ABR: variants seen among roughly 807,000 people sequenced by gnomAD.
The protein encoded by ABR is ABR activator of RhoGEF and GTPase, also known as active breakpoint cluster region-related protein.
Under a neutral mutation model 107.2 loss-of-function variants are expected in ABR, and 35 were observed. The observed-to-expected ratio is 0.33, with a 90% CI of 0.25 to 0.43. ABR has a LOEUF of 0.43. ABR is among the 20% of genes least tolerant of loss of function. ABR has a pLI of 1.00. For missense variants in ABR, 815 were observed against 1,115.2 expected (o/e 0.73, Z 3.83); for synonymous variants, 498 against 462.0 (o/e 1.08, Z -1.00).
intron 2 of ABR, among the ~76,000 whole-genome samples, chr17:1,118,590 T>C (rs1276185153): frequency 1.5e-3 from 1 of 648 alleles, no homozygotes; most frequent in Admixed American, 0.015. Context: ...TCCCTGAGCC[T>C]GAGTTCTTCC....
intron 1 of ABR, among the ~76,000 whole-genome samples, chr17:1,151,847 G>A (rs541817816): frequency 3.2e-4 from 49 of 152,332 alleles, no homozygotes; most frequent in African/African-American, 1.1e-3. Flanking sequence ...AGGAAACTCC[G>A]TCTCTACTAA....
chr17:1,103,555 G>A (rs1485833528), intron 2 of ABR, among the ~76,000 whole-genome samples: 1 of 152,178 alleles, frequency 6.6e-6, no homozygotes, highest in Non-Finnish European at 1.5e-5. Context: ...CCACAAACAA[G>A]CTTCATCCCC....
chr17:1,129,775 C>T (rs1370966215), intron 1 of ABR, among the ~76,000 whole-genome samples: 5 of 151,982 alleles, frequency 3.3e-5, no homozygotes, highest in African/African-American at 7.3e-5. Context: ...GGTGAAACCC[C>T]CTCTCTACTA....
At chr17:1,074,351 A>G (rs1300852730) in intron 6 of ABR, among the ~76,000 whole-genome samples, 1 of 149,226 alleles carries the variant, frequency 6.7e-6, no homozygotes, top group Non-Finnish European at 1.5e-5. Context: ...GGACCCCAGA[A>G]TCACACAGCT....
chr17:1,144,248 C>A (rs191438978), intron 1 of ABR, among the ~76,000 whole-genome samples: 10 of 152,260 alleles, frequency 6.6e-5, no homozygotes, highest in African/African-American at 1.9e-4. Context: ...CATGATACGA[C>A]GAAAGCTGAC....
intron 1 of ABR, among the ~76,000 whole-genome samples, chr17:1,151,720 C>T (rs2151532320): frequency 6.6e-6 from 1 of 152,338 alleles, no homozygotes; most frequent in East Asian, 1.9e-4. Context: ...GGGCAGGTCA[C>T]TTCAACTCTC....
chr17:1,181,597 C>T (rs890359741), upstream of ABR, among the ~76,000 whole-genome samples: 6 of 152,096 alleles, frequency 3.9e-5, no homozygotes, highest in Admixed American at 1.3e-4. Flanking sequence ...AGGGAGGGGG[C>T]GTGCATCTCC....
At chr17:1,049,540 C>T (rs2032201375) in intron 16 of ABR, among the ~76,000 whole-genome samples, 1 of 152,156 alleles carries the variant, frequency 6.6e-6, no homozygotes, top group African/African-American at 2.4e-5. Context: ...AGACTCCCAA[C>T]GCAGCTGAGT....
intron 16 of ABR, among the ~76,000 whole-genome samples, chr17:1,020,738 C>A (rs572751701): frequency 6.6e-6 from 1 of 152,288 alleles, no homozygotes; most frequent in East Asian, 1.9e-4. Flanking sequence ...GGGTGCTCCA[C>A]GCACACCTGA....
intron 1 of ABR, among the ~76,000 whole-genome samples, chr17:1,204,423 C>T (rs1346677492): frequency 6.6e-6 from 1 of 152,120 alleles, no homozygotes; most frequent in Admixed American, 6.5e-5. Context: ...CCAGCATGGG[C>T]GACACAGCGA....
intron 1 of ABR, among the ~76,000 whole-genome samples, chr17:1,217,059 G>T (rs1325325235): frequency 6.6e-6 from 1 of 152,194 alleles, no homozygotes; most frequent in Non-Finnish European, 1.5e-5. Context: ...TTAGAGATGG[G>T]ACATGCGGCG....
chr17:1,073,013 C>A (rs1158023880), intron 7 of ABR, among the ~76,000 whole-genome samples: 4 of 151,932 alleles, frequency 2.6e-5, no homozygotes, highest in Non-Finnish European at 5.9e-5. Flanking sequence ...AACCCCATCT[C>A]TAGTAAAAAT....
chr17:1,134,932 G>A (rs1329839192), intron 1 of ABR, among the ~76,000 whole-genome samples: 1 of 152,382 alleles, frequency 6.6e-6, no homozygotes. Flanking sequence ...AGGATCAAGT[G>A]CACGGGCCGC....
intron 16 of ABR, among the ~76,000 whole-genome samples, chr17:1,025,653 G>A (rs1022809362): frequency 5.9e-5 from 9 of 152,152 alleles, no homozygotes; most frequent in Non-Finnish European, 1.2e-4. Flanking sequence ...GTTTTTTATG[G>A]CTGAATTCTT....
intron 16 of ABR, among the ~76,000 whole-genome samples, chr17:1,031,281 A>T (rs2072714036): frequency 6.6e-6 from 1 of 152,062 alleles, no homozygotes; most frequent in African/African-American, 2.4e-5. Flanking sequence ...CAAGACATAG[A>T]CCCAGAGGCA....
chr17:1,221,364 C>T (rs1164119557), intron 1 of ABR, among the ~76,000 whole-genome samples: 1 of 152,164 alleles, frequency 6.6e-6, no homozygotes, highest in Admixed American at 6.6e-5. Context: ...CTAATTCCTG[C>T]CTGAAATGTG....
Position 1,020,360 on chromosome 17 carries a change from G to C in ABR, c.1792-7196C>G, listed in dbSNP as rs560971799. Among the ~76,000 whole-genome samples, 522 of 152,334 alleles carry C rather than the reference G, an allele frequency of 3.4e-3. 2 individuals carry two copies. The highest frequency in any genetic ancestry group is 0.012 in the African/African-American group (498 of 41,580). On this transcript the variant is annotated intron_variant, in intron 16 of 22. Coordinates refer to ENST00000302538, the MANE Select transcript of ABR (RefSeq NM_021962.5). ...GGCCTCCCAAAGTGCTGGGATTCCA[G>C]GCGTGAGCCCCTGCATCCGGCCGAC...
chr17:1,176,863 AAAAAAC>A (rs1377390931), intron 1 of ABR, among the ~76,000 whole-genome samples: 9 of 140,828 alleles, frequency 6.4e-5, no homozygotes, highest in East Asian at 2.6e-4. Flanking sequence ...AACAAAAAAC[AAAAAAC>A]AAAAAAAAAA....
At chr17:1,111,554 G>A (rs1023361961) in intron 2 of ABR, among the ~76,000 whole-genome samples, 1 of 151,974 alleles carries the variant, frequency 6.6e-6, no homozygotes, top group Admixed American at 6.6e-5. Flanking sequence ...TGCTTCAAAG[G>A]CCCCCCCAAA....
Sources: allele counts gnomAD v4.1 joint callset (sites outside exome capture counted in the v4.1 genomes callset), GRCh38; gene constraint gnomAD v4.1.1; transcripts MANE v1.5; gene names NCBI Gene and HGNC (gene_info 2026-07-23, HGNC 2026-07-21).